Variants in DNAJC12 observed in about 807,000 individuals in gnomAD.
The protein encoded by DNAJC12 is DnaJ heat shock protein family (Hsp40) member C12.
DNAJC12 carries 25 observed loss-of-function variants against 28.5 expected under a neutral mutation model. The ratio of observed to expected loss-of-function variants is 0.88; its 90% confidence interval spans 0.64 to 1.22. DNAJC12 has a LOEUF of 1.22. Among genes scored for constraint, DNAJC12 ranks in the 50% most tolerant of loss-of-function variants. The pLI, the probability that DNAJC12 is intolerant of heterozygous loss-of-function variation, is 0.00. For missense variants in DNAJC12, 222 were observed against 231.7 expected (o/e 0.96, Z 0.27); for synonymous variants, 77 against 80.6 (o/e 0.95, Z 0.24).
At chr10:67,819,175 T>C (rs1021973074) in intron 2 of DNAJC12, among the ~76,000 whole-genome samples, 2 of 150,344 alleles carry the variant, frequency 1.3e-5, no homozygotes, top group Non-Finnish European at 3.0e-5. Flanking sequence ...CTAGTAAAAA[T>C]ACAAAAAATT....
chr10:67,827,293 A>C (rs1183844551), intron 1 of DNAJC12, among the ~76,000 whole-genome samples: 1 of 151,522 alleles, frequency 6.6e-6, no homozygotes. Context: ...AGGCTGAGGC[A>C]GGAGAATCCC....
intron 1 of DNAJC12, among the ~76,000 whole-genome samples, chr10:67,828,346 T>C (rs1298239145): frequency 6.6e-6 from 1 of 152,232 alleles, no homozygotes; most frequent in African/African-American, 2.4e-5. Flanking sequence ...TCTCTATATG[T>C]AGATCAGCTC....
At chr10:67,799,688 G>T (rs56020505) in intron 4 of DNAJC12, among the ~76,000 whole-genome samples, 17,300 of 152,054 alleles carry the variant, frequency 0.11, 1,203 homozygotes, top group Middle Eastern at 0.17. Flanking sequence ...TTCGAGACCA[G>T]CCTGACCAAC....
Position 67,828,680 on chromosome 10 carries a change from A to C in DNAJC12, c.79-5288T>G, listed in dbSNP as rs556249901. ...TTTCTCTCTCTCTCTCTCTCTATAT[A>C]TATATATATACACACATATATATGA... is the stretch of plus-strand genomic sequence containing the variant. On this transcript the variant is annotated intron_variant, in intron 1 of 4. Transcript: ENST00000225171. 8.5e-3 allele frequency among the ~76,000 whole-genome samples: 1,208 copies of C among 142,760 alleles called. 8 individuals carry two copies. Among genetic ancestry groups the C allele is most frequent in the East Asian group, 0.015 (71 of 4,846 alleles). 93.7% of individuals were successfully genotyped at this position (142,760 alleles called of 152,430 possible).
In DNAJC12 at chr10:67,811,652, GAA is replaced by G. The variant is rs777808066; in HGVS notation, c.167_168del (p.Phe56SerfsTer13). 2 of 1,612,776 alleles carry G rather than the reference GAA, an allele frequency of 1.2e-6. No individual in the cohort carries two copies. Among genetic ancestry groups the G allele is most frequent in the Non-Finnish European group, 1.7e-6 (2 of 1,179,488 alleles). On this transcript the variant is annotated frameshift_variant, in exon 3 of 5. Coordinates refer to ENST00000225171, the MANE Select transcript of DNAJC12 (RefSeq NM_021800.3). LOFTEE classifies it high-confidence loss of function. Reference sequence around the variant, plus strand: ...ATCTCCTTTGCCTTCTGCAGTTTCTGAAAAGTCTCCACTGGAAAACAAATCAA... The same window carrying G: ...ATCTCCTTTGCCTTCTGCAGTTTCTGAAGTCTCCACTGGAAAACAAATCAA... ...HPENPKAVETFQKLQKAKEIL... is the reference protein window; with the variant it reads ...HPENPKAVETXQKLQKAKEIL...
intron 2 of DNAJC12, among the ~76,000 whole-genome samples, chr10:67,818,074 G>A (rs769526737): frequency 6.6e-6 from 1 of 151,894 alleles, no homozygotes; most frequent in East Asian, 1.9e-4. Flanking sequence ...GTGTGGTGGC[G>A]CACATGTGTG....
intron 2 of DNAJC12, among the ~76,000 whole-genome samples, chr10:67,812,409 G>A (rs1468350125): frequency 6.6e-6 from 1 of 152,216 alleles, no homozygotes; most frequent in Non-Finnish European, 1.5e-5. Context: ...CATGGTAGAT[G>A]CTGGGACAAA....
intron 3 of DNAJC12, among the ~76,000 whole-genome samples, chr10:67,810,480 C>T (rs988029650): frequency 1.3e-5 from 2 of 152,142 alleles, no homozygotes; most frequent in African/African-American, 2.4e-5. Context: ...AAAAGTACAC[C>T]GTGATTTGTC....
At chr10:67,837,607 G>A (rs1355244956) in intron 1 of DNAJC12, among the ~76,000 whole-genome samples, 1 of 152,036 alleles carries the variant, frequency 6.6e-6, no homozygotes, top group Non-Finnish European at 1.5e-5. Context: ...TATATATACT[G>A]TGAAACACTG....
chr10:67,834,470 G>T (rs1001989235), intron 1 of DNAJC12, among the ~76,000 whole-genome samples: 1 of 152,116 alleles, frequency 6.6e-6, no homozygotes. Flanking sequence ...TATATATCAC[G>T]TATTATTTAA....
At chr10:67,799,416 C>T (rs1278524126) in intron 4 of DNAJC12, among the ~76,000 whole-genome samples, 1 of 152,086 alleles carries the variant, frequency 6.6e-6, no homozygotes, top group African/African-American at 2.4e-5. Flanking sequence ...AACTTACTCA[C>T]AAAATATGTA....
intron 1 of DNAJC12, among the ~76,000 whole-genome samples, chr10:67,825,038 C>T (rs557061425): frequency 5.3e-4 from 81 of 152,078 alleles, no homozygotes; most frequent in African/African-American, 1.8e-3. Flanking sequence ...CCTGGGAAGA[C>T]GGCTTGGTTT....
intron 1 of DNAJC12, among the ~76,000 whole-genome samples, chr10:67,826,892 CTAT>C (rs1384754954): frequency 2.5e-5 from 3 of 120,518 alleles, no homozygotes; most frequent in Non-Finnish European, 5.1e-5. Flanking sequence ...CTAATGATAT[CTAT>C]TATATGTCAT....
At chr10:67,823,132 C>A (rs565778757) in intron 2 of DNAJC12, among the ~76,000 whole-genome samples, 182 bp downstream of exon 2, 1 of 152,056 alleles carries the variant, frequency 6.6e-6, no homozygotes, top group East Asian at 1.9e-4. Context: ...AGATCTTAAA[C>A]GACTACTATT....
chr10:67,830,958 G>C (rs991225955), intron 1 of DNAJC12, among the ~76,000 whole-genome samples: 3 of 152,202 alleles, frequency 2.0e-5, no homozygotes, highest in Non-Finnish European at 2.9e-5. Context: ...GGAGGCCAAG[G>C]TGGGCGGATC....
rs553310163 is a variant in DNAJC12 at position 67,809,976 on chromosome 10, T to C, written c.297+1548A>G. ...CATCCATGTGTCTAAAAACCACTTGTATTAGTCCATTTCACACTGCTGTAA... is the reference window on the plus strand; with the variant it reads ...CATCCATGTGTCTAAAAACCACTTGCATTAGTCCATTTCACACTGCTGTAA... On this transcript the variant is annotated intron_variant, in intron 3 of 4. Coordinates refer to ENST00000225171, the MANE Select transcript of DNAJC12 (RefSeq NM_021800.3). Among the ~76,000 whole-genome samples the C allele has an allele frequency of 2.3e-4, 35 of 152,250 alleles. No homozygotes were observed. In the South Asian group the frequency reaches 4.8e-3, roughly 21 times the overall value.
At chr10:67,833,981 CA>C in intron 1 of DNAJC12, 5 of 450,008 alleles carry the variant, frequency 1.1e-5, no homozygotes, top group Admixed American at 2.6e-5. Flanking sequence ...GCCCTACTGC[CA>C]AAAAAGGGAA....
chr10:67,826,733 TATATATA>T (rs1161936874), intron 1 of DNAJC12, among the ~76,000 whole-genome samples: 1 of 122,540 alleles, frequency 8.2e-6, no homozygotes, highest in East Asian at 2.2e-4. Flanking sequence ...TATCTAATGA[TATATATA>T]ATATATATCA....
intron 2 of DNAJC12, among the ~76,000 whole-genome samples, chr10:67,819,761 A>AGGGAGG (rs1447793271): frequency 1.1e-3 from 17 of 16,092 alleles, no homozygotes; most frequent in Admixed American, 5.7e-3. Context: ...GAAGGAAGGA[A>AGGGAGG]GGAAGGAAGG....
Sources: allele counts gnomAD v4.1 joint callset (sites outside exome capture counted in the v4.1 genomes callset), GRCh38; gene constraint gnomAD v4.1.1; transcripts MANE v1.5; gene names NCBI Gene and HGNC (gene_info 2026-07-23, HGNC 2026-07-21).